Variants in RIC8B observed in about 807,000 individuals in gnomAD.
RIC8B encodes the protein RIC8 guanine nucleotide exchange factor B.
In RIC8B, 16 loss-of-function variants were observed where a neutral mutation model predicts 57.5. That is an observed-to-expected ratio of 0.28 (90% CI 0.19 to 0.42). The LOEUF (loss-of-function observed/expected upper bound fraction) is 0.42. Among genes scored for constraint, RIC8B ranks in the 10% least tolerant of loss-of-function variants. RIC8B has a pLI of 1.00. For synonymous variants in RIC8B, 216 were observed against 250.8 expected (o/e 0.86, Z 1.31); for missense variants, 481 against 677.0 (o/e 0.71, Z 3.21).
chr12:106,858,743 G>A (rs1949813066), intron 7 of RIC8B, among the ~76,000 whole-genome samples: 1 of 151,970 alleles, frequency 6.6e-6, no homozygotes, highest in African/African-American at 2.4e-5. Context: ...ATTAGCCCAT[G>A]TTTCCTTTTG....
chr12:106,878,829 C>CG (rs1950789867), intron 9 of RIC8B, among the ~76,000 whole-genome samples: 3 of 151,854 alleles, frequency 2.0e-5, no homozygotes. Context: ...CATGTTCCCC[C>CG]CCCCTTTTCT....
chr12:106,858,323 T>C (rs1286597587), intron 7 of RIC8B, among the ~76,000 whole-genome samples: 1 of 152,170 alleles, frequency 6.6e-6, no homozygotes, highest in East Asian at 1.9e-4. Context: ...TTGTTAAAAA[T>C]AAGCTTTATC....
intron 5 of RIC8B, among the ~76,000 whole-genome samples, chr12:106,843,301 A>G (rs986179927): frequency 3.3e-5 from 5 of 152,224 alleles, no homozygotes; most frequent in African/African-American, 4.8e-5. Context: ...GCAAGGTAGC[A>G]TAGTCCAGTC....
intron 9 of RIC8B, among the ~76,000 whole-genome samples, chr12:106,873,576 G>A (rs893700651): frequency 1.8e-4 from 27 of 152,216 alleles, no homozygotes; most frequent in East Asian, 5.8e-4. Flanking sequence ...TACAATTCAG[G>A]GAACATTTAC....
intron 1 of RIC8B, among the ~76,000 whole-genome samples, chr12:106,779,165 G>A (rs559698698): frequency 4.6e-5 from 7 of 151,898 alleles, no homozygotes; most frequent in African/African-American, 1.4e-4. Flanking sequence ...TGCCCGCCTC[G>A]GCCTCCCAAA....
At chr12:106,775,064 C>T (rs1184244920) in intron 1 of RIC8B, 6 of 551,374 alleles carry the variant, frequency 1.1e-5, no homozygotes, top group Non-Finnish European at 2.0e-5. Context: ...AGCAGCTTGA[C>T]CTCCGGTCCT....
chr12:106,815,350 C>A, intron 3 of RIC8B, 46 bp downstream of exon 3: 1 of 1,533,680 alleles, frequency 6.5e-7, no homozygotes, highest in South Asian at 1.3e-5. Flanking sequence ...TTTAATTGGT[C>A]TGGGACATCC....
intron 4 of RIC8B, among the ~76,000 whole-genome samples, chr12:106,837,477 T>C (rs1210552462): frequency 6.6e-6 from 1 of 152,190 alleles, no homozygotes; most frequent in African/African-American, 2.4e-5. Flanking sequence ...TTTATTTACT[T>C]TTCTGTCCAT....
At chr12:106,792,685 C>A (rs560578892) in intron 2 of RIC8B, among the ~76,000 whole-genome samples, 1 of 152,290 alleles carries the variant, frequency 6.6e-6, no homozygotes, top group Non-Finnish European at 1.5e-5. Context: ...CTCTTGTAAT[C>A]CCAGCTACTT....
chr12:106,799,914 A>G (rs1223053625), intron 2 of RIC8B, among the ~76,000 whole-genome samples: 1 of 152,126 alleles, frequency 6.6e-6, no homozygotes, highest in Non-Finnish European at 1.5e-5. Context: ...AAGGACAGAA[A>G]TTTATTTCTC....
chr12:106,815,178 C>T lies in RIC8B; in HGVS notation c.615C>T (p.Thr205=), dbSNP rs778689635. 52 of 1,614,060 alleles carry T rather than the reference C, an allele frequency of 3.2e-5. No homozygotes were observed. The highest frequency in any genetic ancestry group is 1.5e-4 in the African/African-American group (11 of 74,916). Residue 205 remains threonine (T), a synonymous_variant, in exon 3 of 10, where the codon ACC becomes ACT. Coordinates refer to ENST00000392837, the MANE Select transcript of RIC8B (RefSeq NM_001330145.2). ...AAAGTGCCTTTAGCATCAAGTGGAC[C>T]GATGAGTATGAATCGGCCATAGACC... The part of the protein sequence containing the change: ...ILESAFSIKW[T]DEYESAIDHN...
At chr12:106,836,609 A>G (rs563931507) in intron 4 of RIC8B, among the ~76,000 whole-genome samples, 2 of 152,306 alleles carry the variant, frequency 1.3e-5, no homozygotes, top group African/African-American at 4.8e-5. Context: ...TATGTATCGA[A>G]TGAACCACTT....
intron 4 of RIC8B, among the ~76,000 whole-genome samples, chr12:106,840,949 A>G (rs1948919473): frequency 1.3e-5 from 2 of 152,164 alleles, no homozygotes; most frequent in Non-Finnish European, 2.9e-5. Flanking sequence ...AAATAATTCT[A>G]AGGTAGAGTT....
intron 2 of RIC8B, among the ~76,000 whole-genome samples, chr12:106,790,310 G>GA (rs1266200220): frequency 1.3e-5 from 2 of 152,172 alleles, no homozygotes; most frequent in Non-Finnish European, 2.9e-5. Context: ...TATACCTTGA[G>GA]AAACCATTTA....
chr12:106,869,849 GAATCA>G (rs1461012442), intron 8 of RIC8B, among the ~76,000 whole-genome samples: 1 of 152,288 alleles, frequency 6.6e-6, no homozygotes, highest in East Asian at 1.9e-4. Context: ...TGAGGCAGGA[GAATCA>G]CTTGAACCCA....
intron 2 of RIC8B, among the ~76,000 whole-genome samples, chr12:106,807,308 G>A (rs1001461104): frequency 6.6e-6 from 1 of 152,212 alleles, no homozygotes; most frequent in Non-Finnish European, 1.5e-5. Flanking sequence ...TACAAAATAT[G>A]AGTGTTTATT....
intron 9 of RIC8B, chr12:106,874,406 T>G: frequency 9.0e-7 from 1 of 1,114,806 alleles, no homozygotes; most frequent in Non-Finnish European, 1.3e-6. Flanking sequence ...TTGAAAGGCA[T>G]GTGAGTAAAG....
intron 7 of RIC8B, among the ~76,000 whole-genome samples, 169 bp downstream of exon 7, chr12:106,851,763 A>G (rs1466516442): frequency 6.6e-6 from 1 of 152,224 alleles, no homozygotes; most frequent in East Asian, 1.9e-4. Flanking sequence ...AAACATTTGT[A>G]TACGCTTCTG....
chr12:106,775,215 C>G (rs2136124639), intron 1 of RIC8B: 22 of 425,830 alleles, frequency 5.2e-5, no homozygotes, highest in South Asian at 3.8e-4. Context: ...ATAAACACGG[C>G]CCTTGACATG....
Sources: allele counts gnomAD v4.1 joint callset (sites outside exome capture counted in the v4.1 genomes callset), GRCh38; gene constraint gnomAD v4.1.1; transcripts MANE v1.5; gene names NCBI Gene and HGNC (gene_info 2026-07-23, HGNC 2026-07-21).